TMTC1: variants seen among roughly 807,000 people sequenced by gnomAD.
The protein encoded by TMTC1 is protein O-mannosyl-transferase TMTC1.
In TMTC1, 73 loss-of-function variants were observed where a neutral mutation model predicts 104.8. The ratio of observed to expected loss-of-function variants is 0.70; its 90% confidence interval spans 0.58 to 0.85. TMTC1 has a LOEUF of 0.85. Among genes scored for constraint, TMTC1 ranks in the 40% least tolerant of loss-of-function variants. The pLI is 0.00. For missense variants in TMTC1, 1,035 were observed against 1,096.1 expected, an observed-to-expected ratio of 0.94 and a Z score of 0.79; for synonymous variants, 434 against 428.7, an observed-to-expected ratio of 1.01 and a Z score of -0.15.
intron 6 of TMTC1, among the ~76,000 whole-genome samples, chr12:29,613,197 A>T (rs1295381114): frequency 6.6e-6 from 1 of 152,144 alleles, no homozygotes; most frequent in Non-Finnish European, 1.5e-5. Context: ...GCTCTAAGAG[A>T]TATGTGTCCA....
intron 5 of TMTC1, among the ~76,000 whole-genome samples, chr12:29,709,637 T>G (rs138493322): frequency 5.3e-5 from 8 of 152,286 alleles, no homozygotes; most frequent in African/African-American, 1.9e-4. Context: ...CCCACTTCCA[T>G]AAGCCTCTCT....
At chr12:29,533,702 G>A (rs1249796842) in intron 11 of TMTC1, 1 of 152,028 alleles carries the variant, frequency 6.6e-6, no homozygotes, top group Non-Finnish European at 1.5e-5. Context: ...ACACAAACTA[G>A]TTATTTAACT....
chr12:29,617,536 C>CAGAGAGAGAGAGAGAGGGAGAGAGAG (rs1947016900), intron 6 of TMTC1, among the ~76,000 whole-genome samples: 1 of 134,942 alleles, frequency 7.4e-6, no homozygotes, highest in Non-Finnish European at 1.5e-5. Context: ...AAACAGACAA[C>CAGAGAGAGAGAGAGAGGGAGAGAGAG]AGAGAGAGAG....
intron 5 of TMTC1, among the ~76,000 whole-genome samples, chr12:29,699,897 C>T (rs894728002): frequency 1.3e-5 from 2 of 152,028 alleles, no homozygotes; most frequent in African/African-American, 4.8e-5. Context: ...CCACCTCAAC[C>T]TCCCAAAATG....
At chr12:29,774,281 G>A (rs933540953) in intron 1 of TMTC1, among the ~76,000 whole-genome samples, 2 of 152,004 alleles carry the variant, frequency 1.3e-5, no homozygotes, top group Non-Finnish European at 2.9e-5. Flanking sequence ...CCCAGAGATC[G>A]GCCCCCAAGC....
At chr12:29,643,628 TTA>T (rs369269808) in intron 5 of TMTC1, among the ~76,000 whole-genome samples, 124 of 12,730 alleles carry the variant, frequency 9.7e-3, no homozygotes, top group Middle Eastern at 0.026. Flanking sequence ...TATCTATATA[TTA>T]TATATATAAT....
chr12:29,672,015 G>A (rs12823749), intron 5 of TMTC1, among the ~76,000 whole-genome samples: 15,255 of 152,158 alleles, frequency 0.1, 1,005 homozygotes, highest in Middle Eastern at 0.27. Context: ...GTATATGGGG[G>A]CACTACTGAA....
At chr12:29,671,076 G>A (rs1450802522) in intron 5 of TMTC1, among the ~76,000 whole-genome samples, 3 of 151,322 alleles carry the variant, frequency 2.0e-5, no homozygotes, top group East Asian at 1.9e-4. Context: ...GGCGGATCAC[G>A]AGGTCAGGGG....
intron 5 of TMTC1, among the ~76,000 whole-genome samples, chr12:29,718,667 A>G (rs55868166): frequency 0.3 from 46,136 of 151,994 alleles, 7,484 homozygotes; most frequent in South Asian, 0.45. Context: ...AAGAATCTCT[A>G]TCACACCTGT....
chr12:29,772,091 C>T (rs1943606906), intron 1 of TMTC1, among the ~76,000 whole-genome samples: 1 of 152,162 alleles, frequency 6.6e-6, no homozygotes, highest in Admixed American at 6.5e-5. Flanking sequence ...AACTGTCTTC[C>T]CAAAGGCTAG....
intron 14 of TMTC1, 143 bp downstream of exon 14, chr12:29,517,284 G>T: frequency 2.5e-6 from 2 of 803,562 alleles, no homozygotes; most frequent in Non-Finnish European, 3.7e-6. Context: ...TTTAGAGAAT[G>T]GCTCTAACAT....
intron 5 of TMTC1, among the ~76,000 whole-genome samples, chr12:29,670,140 A>G (rs1387780886): frequency 2.0e-5 from 3 of 152,254 alleles, no homozygotes; most frequent in Non-Finnish European, 4.4e-5. Context: ...TGCACTAAGA[A>G]AAAGATTAAA....
chr12:29,637,088 ACACACACACAC>A lies in TMTC1; in HGVS notation c.939-3763_939-3753del, dbSNP rs1565727972. Among the ~76,000 whole-genome samples the A allele has an allele frequency of 8.4e-3, 1,221 of 145,922 alleles. 61 individuals are homozygous for A. The highest frequency in any genetic ancestry group is 0.076 in the Admixed American group (1,137 of 14,864). On this transcript the variant is annotated intron_variant, in intron 5 of 17. Coordinates refer to ENST00000539277, the MANE Select transcript of TMTC1 (RefSeq NM_001193451.2). ...AATGAAACGAAACAAAATGAGAAAC[ACACACACACAC>A]ACACACACACACACACACACACACA...
intron 5 of TMTC1, among the ~76,000 whole-genome samples, chr12:29,737,604 T>C (rs1056174315): frequency 6.6e-6 from 1 of 152,182 alleles, no homozygotes; most frequent in Non-Finnish European, 1.5e-5. Flanking sequence ...CCCAGGAGAC[T>C]TCTGCCTTTC....
intron 5 of TMTC1, chr12:29,660,079 C>T (rs1013714979): frequency 1.2e-5 from 11 of 916,376 alleles, no homozygotes; most frequent in Non-Finnish European, 1.7e-5. Context: ...TGAAGTCAGT[C>T]ACCCCTTCCC....
chr12:29,673,200 C>G (rs903597354), intron 5 of TMTC1, among the ~76,000 whole-genome samples: 1 of 151,948 alleles, frequency 6.6e-6, no homozygotes, highest in African/African-American at 2.4e-5. Context: ...GAGGTTTCAA[C>G]TCTAGTCAAT....
chr12:29,715,212 A>T lies in TMTC1; in HGVS notation c.938+36454T>A, dbSNP rs1439443640. Among the ~76,000 whole-genome samples the T allele has an allele frequency of 6.6e-5, 10 of 152,336 alleles. No individual in the cohort carries two copies. In the South Asian group the frequency reaches 1.9e-3, roughly 28 times the overall value. ...ATTTAATGGAGCCATTCACTGAAAG[A>T]TCATTAAAAATGATATTTATGAAAG... On this transcript the variant is annotated intron_variant, in intron 5 of 17. Transcript: ENST00000539277.
rs541409671 is a variant in TMTC1, at chr12:29,761,967, C to T, written c.481-3190G>A. Among the ~76,000 whole-genome samples the T allele has an allele frequency of 3.9e-5, 6 of 152,170 alleles. No individual in the cohort carries two copies. In the East Asian group the frequency reaches 1.2e-3, roughly 29 times the overall value. ...TTGGGAGACCGAGGTGGACAGATCC[C>T]TTGAGCTCAGGAGTTCAAGACCAGC... is the stretch of plus-strand genomic sequence containing the variant. On this transcript the variant is annotated intron_variant, in intron 2 of 17. Coordinates refer to ENST00000539277, the MANE Select transcript of TMTC1 (RefSeq NM_001193451.2).
chr12:29,688,574 C>T (rs886478047), intron 5 of TMTC1, among the ~76,000 whole-genome samples: 4 of 152,200 alleles, frequency 2.6e-5, no homozygotes, highest in Non-Finnish European at 4.4e-5. Flanking sequence ...TCCCTGCCCA[C>T]GCAGTGATGT....
Sources: gnomAD v4.1 joint callset for allele counts (sites outside exome capture counted in the v4.1 genomes callset) on GRCh38, gnomAD v4.1.1 for gene constraint, MANE v1.5 for transcripts, NCBI Gene and HGNC (gene_info 2026-07-23, HGNC 2026-07-21) for gene names.